LOC400499: variants seen among roughly 807,000 people sequenced by gnomAD.
the LOC400499 span, among the ~76,000 whole-genome samples, chr16:11,419,541 G>A: frequency 1.3e-5 from 2 of 152,138 alleles, no homozygotes; most frequent in African/African-American, 4.8e-5. Flanking sequence ...ATAGGTATGG[G>A]CAAGGACTTC....
the LOC400499 span, among the ~76,000 whole-genome samples, chr16:11,435,105 A>G: frequency 0.83 from 125,780 of 152,032 alleles, 52,111 homozygotes; most frequent in Admixed American, 0.87. Context: ...TCAGCCTCCC[A>G]AGTAGCTGGG....
the LOC400499 span, among the ~76,000 whole-genome samples, chr16:11,433,733 C>T: frequency 0.51 from 78,021 of 151,930 alleles, 21,860 homozygotes; most frequent in African/African-American, 0.72. Context: ...CGGTCATGCC[C>T]GCATGATGAA....
chr16:11,409,192 C>T, the LOC400499 span, among the ~76,000 whole-genome samples: 4 of 151,772 alleles, frequency 2.6e-5, no homozygotes, highest in East Asian at 1.9e-4. Context: ...GCCCAGGTGG[C>T]GGAGGTTGCG....
chr16:11,478,443 G>A, the LOC400499 span: 1 of 398,298 alleles, frequency 2.5e-6, no homozygotes, highest in East Asian at 3.6e-5. Flanking sequence ...TTGGACCTTG[G>A]GCAGCCTGAC....
chr16:11,515,884 C>CCT, the LOC400499 span: 1 of 40,212 alleles, frequency 2.5e-5, no homozygotes, highest in Non-Finnish European at 6.2e-5. Context: ...CAGCCCAGCC[C>CCT]AGCCCAGCCT....
At chr16:11,493,332 C>T in the LOC400499 span, among the ~76,000 whole-genome samples, 7 of 152,142 alleles carry the variant, frequency 4.6e-5, no homozygotes, top group East Asian at 7.7e-4. Context: ...GCCTGTGTTC[C>T]GATAAAACTT....
the LOC400499 span, among the ~76,000 whole-genome samples, chr16:11,463,352 T>C: frequency 1.3e-5 from 2 of 150,828 alleles, no homozygotes; most frequent in African/African-American, 4.9e-5. Flanking sequence ...TAATGCTCTC[T>C]GTCCCCGATC....
chr16:11,377,932 G>T, the LOC400499 span, among the ~76,000 whole-genome samples: 2 of 152,162 alleles, frequency 1.3e-5, no homozygotes, highest in African/African-American at 2.4e-5. Context: ...TTTCTTTCCT[G>T]CCAAGTTTTT....
chr16:11,449,232 T>C, the LOC400499 span: 1 of 842,518 alleles, frequency 1.2e-6, no homozygotes. Context: ...TTCAATGCCA[T>C]TTCTCTGACG....
the LOC400499 span, among the ~76,000 whole-genome samples, chr16:11,381,831 C>A: frequency 6.6e-6 from 1 of 152,062 alleles, no homozygotes; most frequent in Admixed American, 6.6e-5. Context: ...CTTTTAGGAC[C>A]TTTTCTTTGT....
chr16:11,486,194 G>A, the LOC400499 span, among the ~76,000 whole-genome samples: 1 of 146,488 alleles, frequency 6.8e-6, no homozygotes, highest in African/African-American at 2.6e-5. Context: ...ATAAATGATG[G>A]GTGGGTGGAT....
At chr16:11,512,614 AAAT>A in the LOC400499 span, among the ~76,000 whole-genome samples, 9 of 152,194 alleles carry the variant, frequency 5.9e-5, no homozygotes, top group Non-Finnish European at 1.3e-4. Context: ...ATATAAAATA[AAAT>A]AATAATAAAG....
At chr16:11,430,586 G>C in the LOC400499 span, among the ~76,000 whole-genome samples, 1 of 152,166 alleles carries the variant, frequency 6.6e-6, no homozygotes, top group South Asian at 2.1e-4. Context: ...TACATATAGA[G>C]AGAATATGAG....
chr16:11,477,720 G>C, the LOC400499 span: 1 of 396,644 alleles, frequency 2.5e-6, no homozygotes, highest in Non-Finnish European at 4.4e-6. Context: ...GCAGAATAGG[G>C]ATCCTCTCTT....
the LOC400499 span, chr16:11,423,342 C>A: frequency 5.0e-6 from 2 of 398,818 alleles, no homozygotes; most frequent in Non-Finnish European, 4.4e-6. Flanking sequence ...CCACTTGACC[C>A]CGCCACCCTT....
At chr16:11,447,069 C>A in the LOC400499 span, among the ~76,000 whole-genome samples, 3 of 152,192 alleles carry the variant, frequency 2.0e-5, no homozygotes, top group Non-Finnish European at 2.9e-5. Context: ...CAGCCCTATG[C>A]TTTACAATGT....
chr16:11,392,876 C>G, the LOC400499 span: 1 of 874,606 alleles, frequency 1.1e-6, no homozygotes, highest in Non-Finnish European at 1.4e-6. Flanking sequence ...CTTTTTGAGA[C>G]AGAGTCTCGC....
chr16:11,482,308 G>A, the LOC400499 span, among the ~76,000 whole-genome samples: 1 of 152,170 alleles, frequency 6.6e-6, no homozygotes, highest in Admixed American at 6.5e-5. Flanking sequence ...CTGGGGGTAT[G>A]GGGAGTCCCT....
the LOC400499 span, among the ~76,000 whole-genome samples, chr16:11,502,815 C>T: frequency 6.6e-6 from 1 of 151,252 alleles, no homozygotes; most frequent in Non-Finnish European, 1.5e-5. Flanking sequence ...GAGGTTTCAC[C>T]ATGTTAGCCA....
Sources: gnomAD v4.1 joint callset for allele counts (sites outside exome capture counted in the v4.1 genomes callset) on GRCh38, gnomAD v4.1.1 for gene constraint, MANE v1.5 for transcripts.